The following NRG1 variants were observed in gnomAD, a reference collection of about 807,000 sequenced individuals.
The protein encoded by NRG1 is neuregulin 1.
A neutral mutation model predicts 63.8 loss-of-function variants in NRG1; 18 were observed. The observed-to-expected ratio is 0.28, with a 90% CI of 0.19 to 0.42. NRG1 has a LOEUF of 0.42. Ranked by LOEUF, NRG1 falls within the 10% of genes least tolerant of loss-of-function variation. NRG1 has a pLI of 1.00. For missense variants in NRG1, 762 were observed against 814.7 expected, an observed-to-expected ratio of 0.94 and a Z score of 0.79; for synonymous variants, 302 against 301.3, an observed-to-expected ratio of 1.00 and a Z score of -0.02.
chr8:32,150,420 A>G (rs1324896815), intron 1 of NRG1, among the ~76,000 whole-genome samples: 1 of 152,178 alleles, frequency 6.6e-6, no homozygotes, highest in African/African-American at 2.4e-5. Flanking sequence ...GGAACTGATT[A>G]AGTCATGAGG....
At chr8:32,616,836 G>A in exon 5 of NRG1, 1 of 1,601,946 alleles carries the variant, frequency 6.2e-7, no homozygotes, top group Non-Finnish European at 8.6e-7. Context: ...GTTTTATAGA[G>A]TCTCCCATTA....
chr8:32,280,267 G>A (rs949377178), intron 1 of NRG1, among the ~76,000 whole-genome samples: 2 of 152,188 alleles, frequency 1.3e-5, no homozygotes, highest in African/African-American at 2.4e-5. Context: ...GAATACGCAC[G>A]CACACTTTCT....
chr8:32,770,040 AC>A (rs1295663788), downstream of NRG1, among the ~76,000 whole-genome samples: 2 of 152,166 alleles, frequency 1.3e-5, no homozygotes, highest in East Asian at 1.9e-4. Context: ...TAATAGTTTC[AC>A]CCAGGATCTC....
At chr8:32,335,502 G>T (rs1010875298) in intron 1 of NRG1, among the ~76,000 whole-genome samples, 5 of 152,124 alleles carry the variant, frequency 3.3e-5, no homozygotes, top group African/African-American at 1.2e-4. Context: ...AGATAGAGTT[G>T]CTCATATTTT....
At chr8:32,614,361 C>A (rs1846921208) in intron 3 of NRG1, 153 bp from the exon 4 acceptor site, 1 of 567,786 alleles carries the variant, frequency 1.8e-6, no homozygotes, top group Non-Finnish European at 3.1e-6. Context: ...TTCTGCATTT[C>A]TCACTCTCTG....
At chr8:32,103,730 G>GT (rs1830875416) in intron 1 of NRG1, among the ~76,000 whole-genome samples, 1 of 152,240 alleles carries the variant, frequency 6.6e-6, no homozygotes, top group African/African-American at 2.4e-5. Flanking sequence ...GCAATGCAGT[G>GT]TTTTTTCAAG....
At chr8:32,224,183 A>G (rs1846096315) in intron 1 of NRG1, among the ~76,000 whole-genome samples, 1 of 152,192 alleles carries the variant, frequency 6.6e-6, no homozygotes, top group Admixed American at 6.5e-5. Flanking sequence ...AATTTCCAGA[A>G]TCTTGTTTAC....
intron 5 of NRG1, among the ~76,000 whole-genome samples, chr8:32,649,085 T>G (rs977413255): frequency 2.0e-5 from 3 of 152,164 alleles, no homozygotes; most frequent in Non-Finnish European, 4.4e-5. Context: ...ATTAGTTTTG[T>G]CTTCTATAAT....
chr8:31,988,966 T>C (rs548017527), intron 1 of NRG1, among the ~76,000 whole-genome samples: 1 of 152,056 alleles, frequency 6.6e-6, no homozygotes, highest in African/African-American at 2.4e-5. Context: ...AAGACCCCAG[T>C]AGCTGGGCAC....
chr8:32,435,754 A>G (rs944855106), intron 1 of NRG1, among the ~76,000 whole-genome samples: 7 of 152,224 alleles, frequency 4.6e-5, no homozygotes, highest in African/African-American at 1.7e-4. Context: ...CTAAAGAACT[A>G]GAAGTCAATA....
chr8:31,724,831 G>A (rs2131324018), intron 1 of NRG1, among the ~76,000 whole-genome samples: 1 of 152,188 alleles, frequency 6.6e-6, no homozygotes, highest in East Asian at 1.9e-4. Context: ...AAACAACCTT[G>A]TAAATTACAG....
intron 1 of NRG1, among the ~76,000 whole-genome samples, chr8:32,575,464 A>T (rs1338640884): frequency 6.6e-6 from 1 of 152,078 alleles, no homozygotes. Flanking sequence ...AGTAAAATTA[A>T]CTAAACTTTG....
At chr8:32,475,031 G>A (rs543042938) in intron 1 of NRG1, among the ~76,000 whole-genome samples, 23 of 152,020 alleles carry the variant, frequency 1.5e-4, no homozygotes, top group Non-Finnish European at 3.1e-4. Flanking sequence ...ATTATTTTTC[G>A]AATTTTGGCA....
chr8:31,700,344 A>G (rs923232274), intron 1 of NRG1, among the ~76,000 whole-genome samples: 2 of 152,156 alleles, frequency 1.3e-5, no homozygotes, highest in Admixed American at 6.6e-5. Flanking sequence ...GGATGCTTAC[A>G]TGAACAAACC....
chr8:31,647,884 C>T (rs977844316), intron 1 of NRG1, among the ~76,000 whole-genome samples: 7 of 151,984 alleles, frequency 4.6e-5, no homozygotes, highest in Non-Finnish European at 7.4e-5. Flanking sequence ...AGTTTTATTC[C>T]GATGAGCAGT....
At chr8:32,169,855 G>A (rs1337833410) in intron 1 of NRG1, among the ~76,000 whole-genome samples, 2 of 152,196 alleles carry the variant, frequency 1.3e-5, no homozygotes, top group African/African-American at 4.8e-5. Flanking sequence ...CAGTGCTGCT[G>A]AATGTGACTT....
chr8:32,505,201 G>A (rs984929750), intron 1 of NRG1, among the ~76,000 whole-genome samples: 1 of 152,114 alleles, frequency 6.6e-6, no homozygotes, highest in African/African-American at 2.4e-5. Context: ...TTTTAAAAGT[G>A]GGGTTGGGGG....
intron 5 of NRG1, among the ~76,000 whole-genome samples, chr8:32,717,475 A>G (rs1819537787): frequency 6.6e-6 from 1 of 152,156 alleles, no homozygotes; most frequent in African/African-American, 2.4e-5. Flanking sequence ...TGCTACTCTG[A>G]TCGTGAACTT....
At chr8:32,711,224 T>G (rs76056070) in intron 5 of NRG1, among the ~76,000 whole-genome samples, 1 of 130,126 alleles carries the variant, frequency 7.7e-6, no homozygotes, top group Non-Finnish European at 1.6e-5. Flanking sequence ...TCAGCCTCAG[T>G]TTTTTTTTTT....
Sources: gnomAD v4.1 joint callset for allele counts (sites outside exome capture counted in the v4.1 genomes callset) on GRCh38, gnomAD v4.1.1 for gene constraint, MANE v1.5 for transcripts, NCBI Gene and HGNC (gene_info 2026-07-23, HGNC 2026-07-21) for gene names.